The following NIPAL2 variants were observed in gnomAD, a reference collection of about 807,000 sequenced individuals.
The protein encoded by NIPAL2 is NIPA like domain containing 2.
Under a neutral mutation model 48.9 loss-of-function variants are expected in NIPAL2, and 43 were observed. That is an observed-to-expected ratio of 0.88 (90% CI 0.69 to 1.13). NIPAL2 has a LOEUF of 1.13. NIPAL2 is among the 50% of genes most tolerant of loss of function. NIPAL2 has a pLI of 0.00. For synonymous variants in NIPAL2, 167 were observed against 174.6 expected, an observed-to-expected ratio of 0.96 and a Z score of 0.34; for missense variants, 446 against 461.4, an observed-to-expected ratio of 0.97 and a Z score of 0.31.
chr8:98,270,206 T>G (rs949001401), intron 1 of NIPAL2, among the ~76,000 whole-genome samples: 4 of 152,230 alleles, frequency 2.6e-5, no homozygotes, highest in African/African-American at 9.6e-5. Flanking sequence ...TACCCAGTAA[T>G]GGGATTGCTG....
Position 98,192,960 on chromosome 8 carries a change from A to G in NIPAL2, c.*18T>C. On this transcript the variant is annotated 3_prime_UTR_variant, in exon 11 of 11. Coordinates refer to ENST00000430223, the MANE Select transcript of NIPAL2 (RefSeq NM_001321635.2). ...AGGTGGTATCGAATAACAGGCCAACAGCCATCCTTCTCAGCATTTAGACCT... is the reference window on the plus strand; with the variant it reads ...AGGTGGTATCGAATAACAGGCCAACGGCCATCCTTCTCAGCATTTAGACCT... The G allele has an allele frequency of 6.6e-7, 1 of 1,511,252 alleles. No individual in the cohort carries two copies. Among genetic ancestry groups the G allele is most frequent in the African/African-American group, 1.4e-5 (1 of 72,974 alleles). The allele number at this position is 1,511,252 out of a possible 1,614,324, so 93.6% of individuals were successfully genotyped here. A position where few individuals can be genotyped will look rare whatever the true frequency, so the allele number is the denominator to read the frequency against.
intron 4 of NIPAL2, among the ~76,000 whole-genome samples, chr8:98,227,885 G>A (rs1812255571): frequency 6.6e-6 from 1 of 152,206 alleles, no homozygotes; most frequent in Admixed American, 6.5e-5. Context: ...GGACCCCAGA[G>A]CCTTTTAGCC....
At chr8:98,267,527 C>T (rs1814845947) in intron 1 of NIPAL2, among the ~76,000 whole-genome samples, 1 of 151,968 alleles carries the variant, frequency 6.6e-6, no homozygotes. Context: ...ATTATGTTTC[C>T]CAGGCTGGTC....
chr8:98,275,121 G>T (rs1464831047), intron 1 of NIPAL2, among the ~76,000 whole-genome samples: 1 of 151,996 alleles, frequency 6.6e-6, no homozygotes, highest in Non-Finnish European at 1.5e-5. Flanking sequence ...CAAGAAACTG[G>T]CATTGGTAAA....
intron 6 of NIPAL2, among the ~76,000 whole-genome samples, chr8:98,210,682 A>C (rs1811266269): frequency 6.6e-6 from 1 of 152,172 alleles, no homozygotes; most frequent in South Asian, 2.1e-4. Context: ...AGCTGAGAGA[A>C]GTCTCCTAAC....
At chr8:98,280,757 TATATAGAG>T (rs1280857651) in intron 1 of NIPAL2, among the ~76,000 whole-genome samples, 4 of 29,316 alleles carry the variant, frequency 1.4e-4, no homozygotes, top group Admixed American at 4.1e-4. Flanking sequence ...TATATATATA[TATATAGAG>T]AGAGAGAGAG....
chr8:98,236,335 C>T (rs916144823), intron 3 of NIPAL2, 121 bp from the exon 4 acceptor site: 17 of 600,634 alleles, frequency 2.8e-5, no homozygotes, highest in Non-Finnish European at 2.3e-5. Flanking sequence ...TGATCAGAGA[C>T]ATTCAGCAGT....
At chr8:98,234,757 G>T (rs1368457438) in intron 4 of NIPAL2, among the ~76,000 whole-genome samples, 1 of 146,928 alleles carries the variant, frequency 6.8e-6, no homozygotes, top group Non-Finnish European at 1.5e-5. Flanking sequence ...TTGCCATGTT[G>T]CCCAAGCTGA....
At position 98,274,606 on chromosome 8, in the gene NIPAL2, T is replaced by G. The variant is rs571429060; in HGVS notation, c.135+19397A>C. 3.3e-5 allele frequency among the ~76,000 whole-genome samples: 5 copies of G among 152,172 alleles called. No individual in the cohort carries two copies. The East Asian group carries it at 9.6e-4, about 29-fold the overall frequency. ...TATTTTATCTGATATTAATATAATA[T>G]AATCACTCTTTTGATATTTCCTCTT... On this transcript the variant is annotated intron_variant, in intron 1 of 10. Transcript: ENST00000430223.
In NIPAL2 at chr8:98,293,990, G is replaced by C. The variant is rs1403999008; in HGVS notation, c.135+13C>G. 8 of 1,459,052 alleles carry C rather than the reference G, an allele frequency of 5.5e-6. No homozygotes were observed. The South Asian group carries it at 9.4e-5, about 17-fold the overall frequency. The allele number at this position is 1,459,052 out of a possible 1,614,324, so 90.4% of individuals were successfully genotyped here. ...TCCCCACCGGGCTGCGGTGGCTGCG[G>C]GGCGGCCCTTACCTGGTTCCTGCGG... On this transcript the variant is annotated intron_variant, in intron 1 of 10. Transcript: ENST00000430223.
chr8:98,293,932 C>T (rs1816625982), intron 1 of NIPAL2, 71 bp downstream of exon 1: 3 of 1,311,000 alleles, frequency 2.3e-6, no homozygotes, highest in South Asian at 3.7e-5. Context: ...GGCCGAGGCG[C>T]AGAGGCGCCC....
Position 98,244,081 on chromosome 8 carries a change from A to G in NIPAL2, c.377-7867T>C, listed in dbSNP as rs78411458. Among the ~76,000 whole-genome samples, 1,238 of 152,088 alleles carry G rather than the reference A, an allele frequency of 8.1e-3. 11 individuals are homozygous for G. Among genetic ancestry groups the G allele is most frequent in the African/African-American group, 0.028 (1,175 of 41,482 alleles). ...TAAGACAATCAATTAATTATACTTTACTCAAATGTGATTATGGATATGATA... is the reference window on the plus strand; with the variant it reads ...TAAGACAATCAATTAATTATACTTTGCTCAAATGTGATTATGGATATGATA... On this transcript the variant is annotated intron_variant, in intron 3 of 10. Coordinates refer to ENST00000430223, the MANE Select transcript of NIPAL2 (RefSeq NM_001321635.2).
At chr8:98,214,482 G>A (rs558153310) in intron 5 of NIPAL2, among the ~76,000 whole-genome samples, 3 of 152,114 alleles carry the variant, frequency 2.0e-5, no homozygotes, top group East Asian at 3.9e-4. Flanking sequence ...TATTTTTGAC[G>A]AGATGGTATT....
At chr8:98,280,723 A>T (rs1815755444) in intron 1 of NIPAL2, among the ~76,000 whole-genome samples, 1 of 108,386 alleles carries the variant, frequency 9.2e-6, no homozygotes, top group South Asian at 3.2e-4. Context: ...TCTGACTTTC[A>T]AATAGTCCAT....
intron 1 of NIPAL2, among the ~76,000 whole-genome samples, chr8:98,276,571 G>A (rs1815478791): frequency 6.6e-6 from 1 of 152,032 alleles, no homozygotes; most frequent in South Asian, 2.1e-4. Flanking sequence ...AGTGCCTGTG[G>A]GTAAATACCA....
intron 3 of NIPAL2, among the ~76,000 whole-genome samples, chr8:98,241,633 C>T (rs1812984790): frequency 6.6e-6 from 1 of 151,906 alleles, no homozygotes; most frequent in Admixed American, 6.6e-5. Flanking sequence ...TCTAAACGTT[C>T]AGCAATAATC....
intron 6 of NIPAL2, among the ~76,000 whole-genome samples, chr8:98,209,648 G>A (rs979133659): frequency 2.0e-5 from 3 of 151,680 alleles, no homozygotes; most frequent in African/African-American, 4.8e-5. Context: ...TTGTCACTGA[G>A]TATGATTTGC....
At chr8:98,280,755 T>TAGAGAGAGAGAGAG (rs1364661957) in intron 1 of NIPAL2, among the ~76,000 whole-genome samples, 1 of 32,292 alleles carries the variant, frequency 3.1e-5, no homozygotes, top group Non-Finnish European at 7.2e-5. Context: ...TATATATATA[T>TAGAGAGAGAGAGAG]ATATATAGAG....
intron 5 of NIPAL2, chr8:98,217,351 T>A: frequency 1.0e-6 from 1 of 980,734 alleles, no homozygotes; most frequent in African/African-American, 1.7e-5. Flanking sequence ...ACTATTATGA[T>A]TCCTTTTGTG....
Sources: allele counts gnomAD v4.1 joint callset (sites outside exome capture counted in the v4.1 genomes callset), GRCh38; gene constraint gnomAD v4.1.1; transcripts MANE v1.5; gene names NCBI Gene and HGNC (gene_info 2026-07-23, HGNC 2026-07-21).